SHANK2: variants seen among roughly 807,000 people sequenced by gnomAD.
SHANK2 encodes the protein SH3 and multiple ankyrin repeat domains 2, also known as SH3 and multiple ankyrin repeat domains protein 2.
In SHANK2, 43 loss-of-function variants were observed where a neutral mutation model predicts 133.7. The observed-to-expected ratio is 0.32, with a 90% CI of 0.25 to 0.41. SHANK2 has a LOEUF of 0.41. Among genes scored for constraint, SHANK2 ranks in the 10% least tolerant of loss-of-function variants. The pLI is 1.00. For missense variants in SHANK2, 1,994 were observed against 2,235.8 expected (o/e 0.89, Z 2.18); for synonymous variants, 1,017 against 952.8 (o/e 1.07, Z -1.24).
intron 14 of SHANK2, among the ~76,000 whole-genome samples, chr11:70,779,348 A>G (rs1947434041): frequency 6.6e-6 from 1 of 151,890 alleles, no homozygotes; most frequent in African/African-American, 2.4e-5. Flanking sequence ...GCGTCCTCAT[A>G]GCTATTTTAT....
At chr11:71,061,409 C>T (rs926678630) in intron 9 of SHANK2, among the ~76,000 whole-genome samples, 4,212 of 152,316 alleles carry the variant, frequency 0.028, 186 homozygotes, top group African/African-American at 0.096. Context: ...ATATTAACAA[C>T]GGTCTTCAGG....
Position 70,738,250 on chromosome 11 carries a change from G to A in SHANK2, c.1778-39487C>T, listed in dbSNP as rs955045689. Among the ~76,000 whole-genome samples the A allele has an allele frequency of 7.2e-5, 11 of 152,374 alleles. No homozygotes were observed. In the South Asian group the frequency reaches 1.2e-3, roughly 17 times the overall value. On this transcript the variant is annotated intron_variant, in intron 14 of 25. Transcript: ENST00000601538. The stretch of plus-strand genomic sequence containing the variant: ...TAGATGCTCGAGCCTTACAACAACC[G>A]AAGCTTCCGAGGAAACCGCGTCTGG...
Position 70,486,112 on chromosome 11 carries a change from G to C in SHANK2, c.4181C>G (p.Pro1394Arg). The part of the protein sequence containing the change: ...AVILPFRIPP[P>R]PLASVDLDED... ...ATCCAAGTCCACGGATGCCAGAGGG[G>C]GAGGAGGGATGCGGAATGGCAAAAT... Residue 1394 changes from proline to arginine, a missense_variant, in exon 25 of 26, where the codon CCC becomes CGC. Physicochemically the swap from Pro to Arg is moderately radical, Grantham distance 103. Coordinates refer to ENST00000601538, the MANE Select transcript of SHANK2 (RefSeq NM_012309.5). The surrounding 1 kb of genome is among the most constrained non-coding windows in gnomAD (Gnocchi z 8.0). 6.2e-7 allele frequency: 1 copy of C among 1,614,062 alleles called. No individual in the cohort carries two copies. The highest frequency in any genetic ancestry group is 8.5e-7 in the Non-Finnish European group (1 of 1,180,028).
In SHANK2 at chr11:70,500,557, G is replaced by C; in HGVS notation, c.2308+13C>G. The stretch of plus-strand genomic sequence containing the variant: ...TGGGCAGGGGGCTGAGACAGACACT[G>C]GGCCTCCCTTACCCTTCTTCTTCCG... On this transcript the variant is annotated intron_variant, in intron 21 of 25. Coordinates refer to ENST00000601538, the MANE Select transcript of SHANK2 (RefSeq NM_012309.5). The surrounding 1 kb of genome is among the most constrained non-coding windows in gnomAD (Gnocchi z 4.5). 1 of 1,601,396 alleles carries C rather than the reference G, an allele frequency of 6.2e-7. No individual in the cohort carries two copies. The highest frequency in any genetic ancestry group is 8.5e-7 in the Non-Finnish European group (1 of 1,174,276).
At chr11:70,839,906 T>G (rs1463931965) in intron 11 of SHANK2, among the ~76,000 whole-genome samples, 2 of 152,108 alleles carry the variant, frequency 1.3e-5, no homozygotes, top group African/African-American at 4.8e-5. Flanking sequence ...GGCAGCATAG[T>G]GAATATCAGG....
intron 17 of SHANK2, among the ~76,000 whole-genome samples, chr11:70,624,878 C>T (rs1040412626): frequency 3.3e-5 from 5 of 152,186 alleles, no homozygotes; most frequent in East Asian, 3.9e-4. Flanking sequence ...TGGTCTCTAT[C>T]GGCTCCCTCA....
intron 17 of SHANK2, among the ~76,000 whole-genome samples, chr11:70,504,466 C>T (rs2059108462): frequency 1.4e-5 from 2 of 139,158 alleles, no homozygotes; most frequent in African/African-American, 5.0e-5. Context: ...CTCAGTGGGG[C>T]CAGGGCAGTC....
chr11:70,852,753 G>A (rs559773697), intron 11 of SHANK2, among the ~76,000 whole-genome samples: 1 of 152,358 alleles, frequency 6.6e-6, no homozygotes, highest in Admixed American at 6.5e-5. Flanking sequence ...TGAGGCAGGA[G>A]AATCGCTTGA....
chr11:71,162,020 C>T (rs552125881), intron 2 of SHANK2, among the ~76,000 whole-genome samples: 3 of 152,220 alleles, frequency 2.0e-5, no homozygotes, highest in East Asian at 1.9e-4. Flanking sequence ...TCTCCTTACA[C>T]TGAATGAGAC....
intron 10 of SHANK2, among the ~76,000 whole-genome samples, chr11:70,955,095 G>A (rs1555087497): frequency 1.3e-5 from 2 of 152,106 alleles, no homozygotes; most frequent in East Asian, 1.9e-4. Context: ...GTCCTTCCCT[G>A]CCCATATTAA....
At chr11:71,250,722 CACTA>C (rs1229937229) in intron 1 of SHANK2, among the ~76,000 whole-genome samples, 4 of 152,188 alleles carry the variant, frequency 2.6e-5, no homozygotes, top group South Asian at 2.1e-4. Flanking sequence ...AGAAGGGCGT[CACTA>C]ACTATGTGAT....
intron 17 of SHANK2, among the ~76,000 whole-genome samples, chr11:70,591,115 G>A (rs1227409746): frequency 6.6e-6 from 1 of 152,180 alleles, no homozygotes; most frequent in African/African-American, 2.4e-5. Context: ...GCCGAGGTGG[G>A]CGGATCACTG....
At chr11:71,153,997 G>C (rs1487238193) in intron 2 of SHANK2, among the ~76,000 whole-genome samples, 1 of 147,516 alleles carries the variant, frequency 6.8e-6, no homozygotes, top group African/African-American at 2.6e-5. Flanking sequence ...AACAAAAAAA[G>C]TGCAAGAGTT....
In SHANK2 at chr11:70,797,827, T is replaced by C. The variant is rs983414172; in HGVS notation, c.1777+616A>G. 4.4e-4 allele frequency among the ~76,000 whole-genome samples: 43 copies of C among 97,372 alleles called. No individual in the cohort carries two copies. In the South Asian group the frequency reaches 0.015, roughly 33 times the overall value. The allele number at this position is 97,372 out of a possible 152,430, so 63.9% of individuals were successfully genotyped here. On this transcript the variant is annotated intron_variant, in intron 14 of 25. Coordinates refer to ENST00000601538, the MANE Select transcript of SHANK2 (RefSeq NM_012309.5). ...ACTTAAGGCTTCACTTTTCCTCCAC[T>C]CTCATACACACACACACACACACAC... is the stretch of plus-strand genomic sequence containing the variant.
intron 2 of SHANK2, among the ~76,000 whole-genome samples, chr11:71,193,660 C>T (rs1180506968): frequency 6.6e-6 from 1 of 152,192 alleles, no homozygotes; most frequent in Non-Finnish European, 1.5e-5. Flanking sequence ...GCCCTGGGCA[C>T]CTGCACGAGT....
intron 17 of SHANK2, among the ~76,000 whole-genome samples, chr11:70,542,625 CT>C (rs782708502): frequency 1.9e-4 from 29 of 152,216 alleles, no homozygotes; most frequent in Non-Finnish European, 3.5e-4. Context: ...TCTCCAACAC[CT>C]CCACTCTAAC....
chr11:71,072,388 G>A (rs956632401), intron 9 of SHANK2, among the ~76,000 whole-genome samples: 1 of 152,220 alleles, frequency 6.6e-6, no homozygotes, highest in Admixed American at 6.5e-5. Context: ...CATTTAGGAT[G>A]CAGCCTCCCA....
At chr11:71,074,577 T>C (rs1430872915) in intron 9 of SHANK2, among the ~76,000 whole-genome samples, 1 of 152,184 alleles carries the variant, frequency 6.6e-6, no homozygotes, top group Non-Finnish European at 1.5e-5. Context: ...ATTTGACTTA[T>C]GACCCAAGTA....
At chr11:70,895,625 G>C (rs961200791) in intron 11 of SHANK2, 2 of 152,604 alleles carry the variant, frequency 1.3e-5, no homozygotes, top group Admixed American at 6.5e-5. Context: ...GAGGCAACCA[G>C]AGGGGAGCCG....
Sources: allele counts gnomAD v4.1 joint callset (sites outside exome capture counted in the v4.1 genomes callset), GRCh38; gene constraint gnomAD v4.1.1; non-coding constraint Gnocchi (gnomAD v3.1); transcripts MANE v1.5; gene names NCBI Gene and HGNC (gene_info 2026-07-23, HGNC 2026-07-21).